Variants in CD244 observed in about 807,000 individuals in gnomAD.
The protein encoded by CD244 is natural killer cell receptor 2B4.
CD244 carries 20 observed loss-of-function variants against 45.5 expected under a neutral mutation model. The observed-to-expected ratio is 0.44, with a 90% confidence interval of 0.31 to 0.64. The LOEUF is 0.64. CD244 is among the 30% of genes least tolerant of loss of function. The pLI is 0.08. For missense variants in CD244, 407 were observed against 426.9 expected (o/e 0.95, Z 0.41); for synonymous variants, 185 against 160.5 (o/e 1.15, Z -1.15).
At chr1:160,846,560 G>A (rs977495719) in intron 1 of CD244, among the ~76,000 whole-genome samples, 4 of 152,094 alleles carry the variant, frequency 2.6e-5, no homozygotes, top group Admixed American at 1.3e-4. Context: ...CGGCTACTCA[G>A]GAGGCTGAGG....
At chr1:160,856,853 T>A in intron 1 of CD244, among the ~76,000 whole-genome samples, 1 of 151,452 alleles carries the variant, frequency 6.6e-6, no homozygotes. Flanking sequence ...TCATGTACAG[T>A]AAAGGAAACA....
chr1:160,861,107 A>G (rs1344404358), intron 1 of CD244, among the ~76,000 whole-genome samples: 2 of 152,210 alleles, frequency 1.3e-5, no homozygotes, highest in Admixed American at 6.5e-5. Flanking sequence ...CCAGGCACCA[A>G]TCCCATCAGT....
At position 160,832,175 on chromosome 1, in the gene CD244, T is replaced by C. The variant is rs552716763; in HGVS notation, c.1017+344A>G. 7.7e-4 allele frequency among the ~76,000 whole-genome samples: 118 copies of C among 152,272 alleles called. 3 individuals are homozygous for C. In the South Asian group the frequency reaches 0.02, roughly 26 times the overall value. ...TTTTAGAAAATCATTTAGAGTCCTT[T>C]ATCTTCCCCTCTCTGACCCCTCCTC... On this transcript the variant is annotated intron_variant, in intron 8 of 8. Transcript: ENST00000368034.
At chr1:160,854,551 CT>C (rs61651879) in intron 1 of CD244, among the ~76,000 whole-genome samples, 12,160 of 141,554 alleles carry the variant, frequency 0.086, 1,520 homozygotes, top group African/African-American at 0.29. Context: ...CCCAGCTATT[CT>C]TTTTTTTTTT....
chr1:160,841,146 A>G, intron 3 of CD244, 64 bp downstream of exon 3: 2 of 1,503,210 alleles, frequency 1.3e-6, no homozygotes, highest in Non-Finnish European at 1.8e-6. Context: ...TCTGTCTTGC[A>G]CATGAGCCTG....
At chr1:160,839,287 C>T (rs949148280) in intron 3 of CD244, 2 of 416,214 alleles carry the variant, frequency 4.8e-6, no homozygotes, top group African/African-American at 4.1e-5. Context: ...ACCCTGTGAG[C>T]TCTGCACTAT....
Position 160,839,048 on chromosome 1 carries a change from T to C in CD244, c.657A>G (p.Glu219=), listed in dbSNP as rs1483899566. ...TCACCAAAAACGGCCAAAATCTGAA[T>C]TCTGAGGAATACAGAAGGCGTGAGA... ...LTQDCQNAHQ[E]FRFWPFLVII... The change falls in exon 4 of 9, where the codon GAA becomes GAG. Residue 219 remains glutamate (E), a splice_region_variant and synonymous_variant. Transcript: ENST00000368034. The C allele has an allele frequency of 2.5e-6, 4 of 1,609,614 alleles. No homozygotes were observed. The highest frequency in any genetic ancestry group is 3.4e-6 in the Non-Finnish European group (4 of 1,176,326).
In CD244 at chr1:160,836,391, T is replaced by C. The variant is rs1669335209; in HGVS notation, c.835-137A>G. The C allele has an allele frequency of 8.6e-6, 6 of 700,950 alleles. No homozygotes were observed. The Admixed American group carries it at 1.3e-4, about 15-fold the overall frequency. 43.4% of individuals were successfully genotyped at this position (700,950 alleles called of 1,614,324 possible). On this transcript the variant is annotated intron_variant, in intron 5 of 8. Coordinates refer to ENST00000368034, the MANE Select transcript of CD244 (RefSeq NM_016382.4). ...GAGGTGGCAGGACTGGGGAGAGTCA[T>C]TGATCCTCCCAAGATGGGAAGAGAC...
At chr1:160,842,682 G>C (rs932492334) in intron 1 of CD244, among the ~76,000 whole-genome samples, 1 of 152,084 alleles carries the variant, frequency 6.6e-6, no homozygotes, top group African/African-American at 2.4e-5. Flanking sequence ...ATTACTTATT[G>C]ATGTTTGCCA....
In CD244 at chr1:160,861,917, A is replaced by G. The variant is rs1437497857; in HGVS notation, c.61+700T>C. On this transcript the variant is annotated intron_variant, in intron 1 of 8. Coordinates refer to ENST00000368034, the MANE Select transcript of CD244 (RefSeq NM_016382.4). ...AAATTAAATGCGGGATCCAGGTTTC[A>G]GAGCATCCTGGACCCCAGAACTGGA... is the stretch of plus-strand genomic sequence containing the variant. Among the ~76,000 whole-genome samples the G allele has an allele frequency of 3.9e-5, 6 of 152,350 alleles. No homozygotes were observed. In the South Asian group the frequency reaches 6.2e-4, roughly 16 times the overall value.
At chr1:160,838,359 A>G in intron 5 of CD244, 92 bp downstream of exon 5, 2 of 917,694 alleles carry the variant, frequency 2.2e-6, no homozygotes, top group Non-Finnish European at 1.8e-6. Flanking sequence ...ACAGTCGTTC[A>G]GTCCTTTTTG....
chr1:160,832,457 A>G, intron 8 of CD244, 62 bp downstream of exon 8: 2 of 1,009,098 alleles, frequency 2.0e-6, no homozygotes, highest in East Asian at 2.4e-5. Context: ...GTACCCTTTC[A>G]TGGCTAGATT....
chr1:160,855,048 G>T (rs1670058314), intron 1 of CD244, among the ~76,000 whole-genome samples: 1 of 152,200 alleles, frequency 6.6e-6, no homozygotes, highest in African/African-American at 2.4e-5. Context: ...GAACACTCTT[G>T]CCCTCAGCAG....
chr1:160,860,668 A>G (rs1013951484), intron 1 of CD244, among the ~76,000 whole-genome samples: 1 of 152,250 alleles, frequency 6.6e-6, no homozygotes, highest in African/African-American at 2.4e-5. Flanking sequence ...TTGTACATTT[A>G]TACACACATA....
chr1:160,858,546 C>A (rs1308299985), intron 1 of CD244, among the ~76,000 whole-genome samples: 1 of 152,166 alleles, frequency 6.6e-6, no homozygotes, highest in African/African-American at 2.4e-5. Context: ...AGGGCCCAGG[C>A]CTATTCCCTG....
rs141452027 is a variant in CD244, at chr1:160,838,342, C to G, written c.834+109G>C. On this transcript the variant is annotated intron_variant, in intron 5 of 8. Coordinates refer to ENST00000368034, the MANE Select transcript of CD244 (RefSeq NM_016382.4). Reference sequence around the variant, plus strand: ...GATGGGGAAGGGCTGAGGGTCACATCAAAAGGACAGTCGTTCAGTCCTTTT... The same window carrying G: ...GATGGGGAAGGGCTGAGGGTCACATGAAAAGGACAGTCGTTCAGTCCTTTT... 825 of 844,668 alleles carry G rather than the reference C, an allele frequency of 9.8e-4. 3 individuals are homozygous for G. The African/African-American group carries it at 0.012, about 13-fold the overall frequency. The allele number at this position is 844,668 out of a possible 1,614,324, so 52.3% of individuals were successfully genotyped here. A position where few individuals can be genotyped will look rare whatever the true frequency, so the allele number is the denominator to read the frequency against.
At chr1:160,832,736 G>C in intron 7 of CD244, 161 bp from the exon 8 acceptor site, 1 of 1,448,774 alleles carries the variant, frequency 6.9e-7, no homozygotes, top group Non-Finnish European at 9.3e-7. Context: ...GCAAAACAAT[G>C]GTGTTTATGG....
chr1:160,854,546 C>T (rs1459859283), intron 1 of CD244, among the ~76,000 whole-genome samples: 2 of 138,884 alleles, frequency 1.4e-5, no homozygotes, highest in East Asian at 4.2e-4. Context: ...CCACCCCCAG[C>T]TATTCTTTTT....
chr1:160,861,878 A>T (rs1473286474), intron 1 of CD244, among the ~76,000 whole-genome samples: 1 of 152,140 alleles, frequency 6.6e-6, no homozygotes, highest in Non-Finnish European at 1.5e-5. Context: ...TGAAATAAAT[A>T]AATTAATTCA....
Sources: gnomAD v4.1 joint callset for allele counts (sites outside exome capture counted in the v4.1 genomes callset) on GRCh38, gnomAD v4.1.1 for gene constraint, MANE v1.5 for transcripts, NCBI Gene and HGNC (gene_info 2026-07-23, HGNC 2026-07-21) for gene names.